Variants in TRIM38 observed in about 807,000 individuals in gnomAD.
TRIM38 encodes the protein E3 ubiquitin-protein ligase TRIM38.
TRIM38 carries 35 observed loss-of-function variants against 35.8 expected under a neutral mutation model. That is an observed-to-expected ratio of 0.98 (90% CI 0.75 to 1.30). The LOEUF (loss-of-function observed/expected upper bound fraction) is 1.30, where lower values mean the gene tolerates loss of function less well. TRIM38 is among the 50% of genes most tolerant of loss of function. The pLI is 0.00. For synonymous variants in TRIM38, 198 were observed against 204.7 expected (o/e 0.97, Z 0.28); for missense variants, 545 against 556.9 (o/e 0.98, Z 0.21).
rs41266771 is a variant in TRIM38 at position 25,966,681 on chromosome 6, G to T, written c.159G>T (p.Arg53Ser). 6.9e-3 allele frequency: 11,129 copies of T among 1,614,140 alleles called. 64 individuals carry two copies. The highest frequency in any genetic ancestry group is 8.7e-3 in the Non-Finnish European group (10,256 of 1,180,034). ...AAAACCCAAGCCAAAAGCAACTGAGGCAGGAGACATTCTGCTGTCCCCAGT... is the reference window on the plus strand; with the variant it reads ...AAAACCCAAGCCAAAAGCAACTGAGTCAGGAGACATTCTGCTGTCCCCAGT... ...FFKNPSQKQL[R>S]QETFCCPQCR... Residue 53 changes from arginine to serine, a missense_variant, in exon 3 of 8, where the codon AGG becomes AGT. Transcript: ENST00000357085.
intron 7 of TRIM38, among the ~76,000 whole-genome samples, chr6:25,976,345 G>T (rs1338769862): frequency 5.3e-5 from 8 of 152,186 alleles, no homozygotes. Flanking sequence ...ATGGCTCCCT[G>T]CAGCCTTAAA....
At chr6:25,969,206 A>G (rs76047177) in intron 3 of TRIM38, 119 bp from the exon 4 acceptor site, 10,733 of 745,278 alleles carry the variant, frequency 0.014, 422 homozygotes, top group East Asian at 0.047. Context: ...GCAAAAAACA[A>G]TGAGGACTCT....
intron 4 of TRIM38, 53 bp downstream of exon 4, chr6:25,969,473 C>A: frequency 7.0e-7 from 1 of 1,430,918 alleles, no homozygotes; most frequent in Non-Finnish European, 9.6e-7. Context: ...AGAGCTTAGG[C>A]ATAGGGGATG....
chr6:25,977,949 A>T (rs1289991013), intron 7 of TRIM38, among the ~76,000 whole-genome samples: 1 of 152,060 alleles, frequency 6.6e-6, no homozygotes, highest in Non-Finnish European at 1.5e-5. Flanking sequence ...TCAGTCAACA[A>T]CAACATTGCA....
At chr6:25,972,923 A>G (rs1760282078) in intron 5 of TRIM38, 131 bp from the exon 6 acceptor site, 7 of 1,137,772 alleles carry the variant, frequency 6.2e-6, no homozygotes, top group Non-Finnish European at 8.8e-6. Context: ...AGTATCCATC[A>G]ATATCTAAGA....
At chr6:25,967,539 TTTTTTTTTTTTC>T (rs1760095985) in intron 3 of TRIM38, among the ~76,000 whole-genome samples, 1 of 69,540 alleles carries the variant, frequency 1.4e-5, no homozygotes, top group Non-Finnish European at 2.8e-5. Flanking sequence ...TTTTTTTTTT[TTTTTTTTTTTTC>T]CTGAGGTAGG....
In TRIM38 at chr6:25,977,592, A is replaced by C. The variant is rs559227554; in HGVS notation, c.874+4307A>C. Among the ~76,000 whole-genome samples the C allele has an allele frequency of 2.0e-4, 31 of 151,922 alleles. No individual in the cohort carries two copies. The East Asian group carries it at 6.0e-3, about 30-fold the overall frequency. Reference sequence around the variant, plus strand: ...GGCTTAGGCAGAATTGCTTGAACCCAGAAGGCAGAGGTTGCAGTGAGCTGA... The same window carrying C: ...GGCTTAGGCAGAATTGCTTGAACCCCGAAGGCAGAGGTTGCAGTGAGCTGA... On this transcript the variant is annotated intron_variant, in intron 7 of 7. Transcript: ENST00000357085.
In TRIM38 at chr6:25,979,711, T is replaced by C. The variant is rs1760494077; in HGVS notation, c.875-3453T>C. Among the ~76,000 whole-genome samples the C allele has an allele frequency of 2.6e-5, 4 of 151,802 alleles. 1 individual carries two copies. In the South Asian group the frequency reaches 8.3e-4, roughly 31 times the overall value. ...TTAACTTCACTGTTATATTGTTTAA[T>C]ATCTATTTTTTCTTTTTAAAAAATT... On this transcript the variant is annotated intron_variant, in intron 7 of 7. Coordinates refer to ENST00000357085, the MANE Select transcript of TRIM38 (RefSeq NM_006355.5).
chr6:25,977,585 T>C (rs1045752242), intron 7 of TRIM38, among the ~76,000 whole-genome samples: 1 of 151,626 alleles, frequency 6.6e-6, no homozygotes, highest in African/African-American at 2.4e-5. Context: ...CAGAATTGCT[T>C]GAACCCAGAA....
rs1253644572 is a variant in TRIM38, at chr6:25,988,018, T to C, written c.*4331T>C. 4.6e-5 allele frequency: 7 copies of C among 152,148 alleles called. No individual in the cohort carries two copies. The highest frequency in any genetic ancestry group is 4.6e-4 in the Admixed American group (7 of 15,282). The allele number at this position is 152,148 out of a possible 1,614,324, so 9.4% of individuals were successfully genotyped here. A position where few individuals can be genotyped will look rare whatever the true frequency, so the allele number is the denominator to read the frequency against. On this transcript the variant is annotated 3_prime_UTR_variant, in exon 8 of 8. Transcript: ENST00000357085. ...GAAACAGGGACGAGGTTAAAGCACC[T>C]CTCCATAAGACACGCCCACCAGCGC...
Position 25,983,936 on chromosome 6 carries a change from C to G in TRIM38, c.*249C>G. On this transcript the variant is annotated 3_prime_UTR_variant, in exon 8 of 8. Coordinates refer to ENST00000357085, the MANE Select transcript of TRIM38 (RefSeq NM_006355.5). ...ATGATCGTATGTTGCTGTCTCCATC[C>G]GTCTTTAATGGGTCAGGGCTTTGAT... 2.5e-6 allele frequency: 1 copy of G among 395,510 alleles called. No individual in the cohort carries two copies. The highest frequency in any genetic ancestry group is 4.5e-6 in the Non-Finnish European group (1 of 221,714). 24.5% of individuals were successfully genotyped at this position (395,510 alleles called of 1,614,324 possible).
chr6:25,977,786 A>T (rs528841592), intron 7 of TRIM38, among the ~76,000 whole-genome samples: 5 of 152,192 alleles, frequency 3.3e-5, no homozygotes, highest in Non-Finnish European at 7.3e-5. Flanking sequence ...CTCTGATAGC[A>T]TTATAATGAT....
intron 7 of TRIM38, among the ~76,000 whole-genome samples, chr6:25,978,675 A>AT (rs1033530642): frequency 2.0e-5 from 3 of 149,932 alleles, no homozygotes; most frequent in East Asian, 2.0e-4. Flanking sequence ...TAATTTTTTA[A>AT]TTTTTTTTTG....
Position 25,972,014 on chromosome 6 carries a change from G to A in TRIM38, c.653G>A (p.Gly218Asp). 2 of 1,614,128 alleles carry A rather than the reference G, an allele frequency of 1.2e-6. No homozygotes were observed. Among genetic ancestry groups the A allele is most frequent in the Non-Finnish European group, 1.7e-6 (2 of 1,180,026 alleles). ...TLSRLRDYEA[G>D]LGLKSNELKS... ...AGTAGACTGAGGGACTATGAGGCTG[G>A]TCTGGGGCTGAAGAGCAATGAACTC... The change falls in exon 5 of 8, where the codon GGT becomes GAT. Residue 218 changes from glycine (G) to aspartate (D), a missense_variant. Gly to Asp is a moderately conservative substitution (Grantham distance 94). Transcript: ENST00000357085.
chr6:25,973,943 G>C (rs1760315604), intron 7 of TRIM38: 10 of 905,692 alleles, frequency 1.1e-5, no homozygotes, highest in African/African-American at 1.8e-5. Flanking sequence ...CCTGAAAATG[G>C]AAAGTTTTAT....
At position 25,963,133 on chromosome 6, in the gene TRIM38, C is replaced by T. The variant is rs2113567558; in HGVS notation, c.-338C>T. On this transcript the variant is annotated 5_prime_UTR_variant, in exon 2 of 8. Transcript: ENST00000357085. ...CCTGGAGCCTTGGAAGGAGGGGAGC[C>T]CCATCTCCCCAGAAGAGCAGTGACC... The T allele has an allele frequency of 6.6e-6, 1 of 152,340 alleles. No individual in the cohort carries two copies. The highest frequency in any genetic ancestry group is 1.9e-4 in the East Asian group (1 of 5,312). The allele number at this position is 152,340 out of a possible 1,614,324, so 9.4% of individuals were successfully genotyped here. A position where few individuals can be genotyped will look rare whatever the true frequency, so the allele number is the denominator to read the frequency against.
At chr6:25,975,624 A>G (rs1760368172) in intron 7 of TRIM38, 2 of 982,998 alleles carry the variant, frequency 2.0e-6, no homozygotes, top group South Asian at 9.4e-5. Flanking sequence ...TATAAAGGAT[A>G]TAAGGAGAAA....
At chr6:25,981,851 C>A (rs1252186209) in intron 7 of TRIM38, among the ~76,000 whole-genome samples, 2 of 152,116 alleles carry the variant, frequency 1.3e-5, no homozygotes, top group Non-Finnish European at 2.9e-5. Context: ...TCCTGGAAGT[C>A]CTGCATGGGA....
In TRIM38 at chr6:25,965,846, G is replaced by A. The variant is rs556145535; in HGVS notation, c.-188-489G>A. ...TGAGGCAGGAGAATCGCTTGAACCCGGGAGGCGGAGGTGCAGTGAGCCGAG... is the reference window on the plus strand; with the variant it reads ...TGAGGCAGGAGAATCGCTTGAACCCAGGAGGCGGAGGTGCAGTGAGCCGAG... On this transcript the variant is annotated intron_variant, in intron 2 of 7. Coordinates refer to ENST00000357085, the MANE Select transcript of TRIM38 (RefSeq NM_006355.5). 7.2e-5 allele frequency among the ~76,000 whole-genome samples: 11 copies of A among 151,950 alleles called. No homozygotes were observed. The South Asian group carries it at 2.3e-3, about 32-fold the overall frequency.
Sources: gnomAD v4.1 joint callset for allele counts (sites outside exome capture counted in the v4.1 genomes callset) on GRCh38, gnomAD v4.1.1 for gene constraint, MANE v1.5 for transcripts, NCBI Gene and HGNC (gene_info 2026-07-23, HGNC 2026-07-21) for gene names.